RELCH: variants seen among roughly 807,000 people sequenced by gnomAD.
RELCH encodes RAB11-binding protein RELCH.
Under a neutral mutation model 150.3 loss-of-function variants are expected in RELCH, and 41 were observed. The observed-to-expected ratio is 0.27, with a 90% CI of 0.21 to 0.35. The LOEUF is 0.35. Ranked by LOEUF, RELCH falls within the 10% of genes least tolerant of loss-of-function variation. The probability of loss-of-function intolerance (pLI) is 1.00; values close to 1 mark genes in which losing one functional copy is unlikely to be tolerated. For missense variants in RELCH, 1,092 were observed against 1,467.8 expected, an observed-to-expected ratio of 0.74 and a Z score of 4.18; for synonymous variants, 478 against 531.8, an observed-to-expected ratio of 0.90 and a Z score of 1.39.
Position 62,284,625 on chromosome 18 carries a change from G to A in RELCH, c.3253+2181G>A, listed in dbSNP as rs186584052. Among the ~76,000 whole-genome samples the A allele has an allele frequency of 2.2e-3, 330 of 152,266 alleles. 1 individual carries two copies. The highest frequency in any genetic ancestry group is 3.4e-3 in the Middle Eastern group (1 of 294). The stretch of plus-strand genomic sequence containing the variant: ...ATAAATATTGAAGTAGAACCTGTAT[G>A]AAGAATGCGATAGTGTTATTCCTAA... On this transcript the variant is annotated intron_variant, in intron 25 of 28. Coordinates refer to ENST00000644646, the MANE Select transcript of RELCH (RefSeq NM_001346231.2).
intron 10 of RELCH, among the ~76,000 whole-genome samples, chr18:62,240,248 G>T (rs1163528639): frequency 6.6e-6 from 1 of 151,588 alleles, no homozygotes; most frequent in Non-Finnish European, 1.5e-5. Context: ...TCCTTCTTCA[G>T]TCGTTTCTAC....
intron 12 of RELCH, 152 bp downstream of exon 12, chr18:62,252,906 C>G (rs1309129399): frequency 3.2e-6 from 2 of 631,214 alleles, no homozygotes; most frequent in African/African-American, 1.8e-5. Context: ...TTAGTACTTA[C>G]GAATGCTCTG....
rs112857953 is a variant in RELCH, at chr18:62,252,833, C to T, written c.1824+79C>T. ...AGATACATAGTTTCCTTTTTAAAGG[C>T]GTTTAAGAAATATGTGGGATATAAA... On this transcript the variant is annotated intron_variant, in intron 12 of 28. Coordinates refer to ENST00000644646, the MANE Select transcript of RELCH (RefSeq NM_001346231.2). 6.3e-3 allele frequency: 6,407 copies of T among 1,019,846 alleles called. 104 individuals are homozygous for T. The highest frequency in any genetic ancestry group is 0.042 in the East Asian group (1,674 of 40,276). 63.2% of individuals were successfully genotyped at this position (1,019,846 alleles called of 1,614,324 possible).
intron 8 of RELCH, among the ~76,000 whole-genome samples, chr18:62,229,949 G>A (rs1027506418): frequency 6.6e-6 from 1 of 152,076 alleles, no homozygotes; most frequent in African/African-American, 2.4e-5. Context: ...GTTGGGACAT[G>A]ATGGTATCTA....
intron 10 of RELCH, among the ~76,000 whole-genome samples, chr18:62,242,369 A>G (rs1259928163): frequency 2.6e-5 from 4 of 152,214 alleles, no homozygotes; most frequent in African/African-American, 9.6e-5. Flanking sequence ...TCCTTCTAAT[A>G]TGTCAGTTTG....
chr18:62,271,012 T>A (rs2043870132), intron 20 of RELCH, among the ~76,000 whole-genome samples: 1 of 152,194 alleles, frequency 6.6e-6, no homozygotes, highest in Non-Finnish European at 1.5e-5. Flanking sequence ...TTGGGTTGGT[T>A]CCAAGTCTTT....
chr18:62,234,028 CATCT>C (rs1190952864), intron 10 of RELCH, among the ~76,000 whole-genome samples: 3 of 151,702 alleles, frequency 2.0e-5, no homozygotes, highest in South Asian at 2.1e-4. Context: ...AAAAACTGAT[CATCT>C]ATCTTTGTTC....
chr18:62,188,485 A>C (rs2038334081), intron 1 of RELCH, among the ~76,000 whole-genome samples: 1 of 152,202 alleles, frequency 6.6e-6, no homozygotes, highest in Non-Finnish European at 1.5e-5. Flanking sequence ...TGTCTCCGAA[A>C]AGTCAGATGT....
chr18:62,276,192 G>A (rs1183127675), intron 22 of RELCH, among the ~76,000 whole-genome samples: 1 of 152,058 alleles, frequency 6.6e-6, no homozygotes, highest in African/African-American at 2.4e-5. Context: ...TTGATTTCCA[G>A]TCTTGCAATA....
intron 23 of RELCH, chr18:62,280,265 C>A: frequency 1.0e-6 from 1 of 962,110 alleles, no homozygotes; most frequent in Non-Finnish European, 1.7e-6. Context: ...CCAAGAAAGG[C>A]CAATGAGTCT....
chr18:62,245,004 G>A (rs1474370238), intron 11 of RELCH, 128 bp downstream of exon 11: 6 of 628,062 alleles, frequency 9.6e-6, no homozygotes, highest in African/African-American at 1.8e-5. Flanking sequence ...TAGCAGCGCT[G>A]GAGCATTCCC....
intron 18 of RELCH, 60 bp from the exon 19 acceptor site, chr18:62,266,641 A>G: frequency 9.6e-7 from 1 of 1,037,782 alleles, no homozygotes; most frequent in Middle Eastern, 2.1e-4. Flanking sequence ...TAAACATTTC[A>G]TTTAATCAAT....
At chr18:62,298,469 G>GTA (rs1463243525) in intron 27 of RELCH, among the ~76,000 whole-genome samples, 6 of 152,116 alleles carry the variant, frequency 3.9e-5, no homozygotes, top group Admixed American at 3.3e-4. Flanking sequence ...TAGTGTGTGT[G>GTA]TATGTTAAAT....
chr18:62,269,729 A>G (rs974771395), intron 20 of RELCH, among the ~76,000 whole-genome samples: 1 of 152,192 alleles, frequency 6.6e-6, no homozygotes, highest in Non-Finnish European at 1.5e-5. Flanking sequence ...ATAAGAAAAT[A>G]TGACATATCA....
intron 11 of RELCH, among the ~76,000 whole-genome samples, chr18:62,251,458 G>A (rs549250647): frequency 6.6e-6 from 1 of 152,316 alleles, no homozygotes; most frequent in African/African-American, 2.4e-5. Context: ...ATGGCAGCTT[G>A]GTTTATCTAA....
At chr18:62,203,842 A>G (rs1042418830) in intron 1 of RELCH, among the ~76,000 whole-genome samples, 1 of 152,092 alleles carries the variant, frequency 6.6e-6, no homozygotes, top group Non-Finnish European at 1.5e-5. Context: ...TTAGTCAGCA[A>G]TGGTGGCACA....
At chr18:62,252,190 G>A (rs1328439499) in intron 11 of RELCH, among the ~76,000 whole-genome samples, 2 of 148,590 alleles carry the variant, frequency 1.3e-5, no homozygotes, top group African/African-American at 5.0e-5. Flanking sequence ...TAGTAGAGAC[G>A]GGGTTTCACC....
intron 9 of RELCH, among the ~76,000 whole-genome samples, 153 bp downstream of exon 9, chr18:62,231,422 A>C (rs73964849): frequency 6.6e-6 from 1 of 152,138 alleles, no homozygotes; most frequent in African/African-American, 2.4e-5. Context: ...TAGTTCCTAA[A>C]ATTTTAAACT....
At chr18:62,192,095 G>C (rs1271724065) in intron 1 of RELCH, among the ~76,000 whole-genome samples, 2 of 152,104 alleles carry the variant, frequency 1.3e-5, no homozygotes, top group African/African-American at 4.8e-5. Flanking sequence ...ATTCTGACTG[G>C]CCTAAGATGG....
Sources: gnomAD v4.1 joint callset for allele counts (sites outside exome capture counted in the v4.1 genomes callset) on GRCh38, gnomAD v4.1.1 for gene constraint, MANE v1.5 for transcripts, NCBI Gene and HGNC (gene_info 2026-07-23, HGNC 2026-07-21) for gene names.